Variants in LMO7 observed in about 807,000 individuals in gnomAD.
LMO7 encodes the protein LIM domain 7.
Under a neutral mutation model 206.5 loss-of-function variants are expected in LMO7, and 120 were observed. That is an observed-to-expected ratio of 0.58 (90% CI 0.50 to 0.68). LMO7 has a LOEUF of 0.68. LMO7 is among the 30% of genes least tolerant of loss of function. The pLI, the probability that LMO7 is intolerant of heterozygous loss-of-function variation, is 0.00. For missense variants in LMO7, 1,959 were observed against 1,957.9 expected (o/e 1.00, Z -0.01); for synonymous variants, 706 against 681.5 (o/e 1.04, Z -0.56).
intron 3 of LMO7, among the ~76,000 whole-genome samples, chr13:75,737,842 CAAAAAAAAAAA>C (rs768622923): frequency 5.3e-5 from 2 of 37,740 alleles, no homozygotes; most frequent in Non-Finnish European, 8.8e-5. Context: ...AGGAAGCTGC[CAAAAAAAAAAA>C]AAAAAAAAAA....
chr13:75,812,302 T>C (rs2056490645), intron 11 of LMO7, among the ~76,000 whole-genome samples: 1 of 152,200 alleles, frequency 6.6e-6, no homozygotes, highest in Non-Finnish European at 1.5e-5. Context: ...TTTATTATAG[T>C]GTATGGTAAT....
At chr13:75,632,288 A>G (rs1349073209), upstream of LMO7, among the ~76,000 whole-genome samples, 2 of 152,180 alleles carry the variant, frequency 1.3e-5, no homozygotes, top group African/African-American at 2.4e-5. Context: ...CAAACTTTCA[A>G]CATTAAAGAG....
chr13:75,761,057 T>A lies in LMO7; in HGVS notation c.317+19T>A. ...CTGTCAAGTAAGTTTCAACAGTTTG[T>A]TAGATATATATATATATATTTAAAC... On this transcript the variant is annotated intron_variant, in intron 4 of 30. Transcript: ENST00000377534. 2.1e-6 allele frequency: 3 copies of A among 1,397,542 alleles called. No individual in the cohort carries two copies. Among genetic ancestry groups the A allele is most frequent in the Non-Finnish European group, 2.9e-6 (3 of 1,024,934 alleles). The allele number at this position is 1,397,542 out of a possible 1,614,324, so 86.6% of individuals were successfully genotyped here.
chr13:75,828,309 G>A (rs1358505112), intron 15 of LMO7, among the ~76,000 whole-genome samples: 1 of 152,148 alleles, frequency 6.6e-6, no homozygotes, highest in Non-Finnish European at 1.5e-5. Context: ...CTTGAGATTT[G>A]AAAGTTATGT....
intron 25 of LMO7, among the ~76,000 whole-genome samples, chr13:75,843,848 A>G (rs2139323156): frequency 6.6e-6 from 1 of 152,314 alleles, no homozygotes; most frequent in Middle Eastern, 3.4e-3. Flanking sequence ...AGATATAAGG[A>G]AAGACTTGTA....
intron 11 of LMO7, among the ~76,000 whole-genome samples, chr13:75,810,037 G>T (rs1268358557): frequency 6.6e-6 from 1 of 151,972 alleles, no homozygotes; most frequent in East Asian, 1.9e-4. Context: ...TCACCAGATT[G>T]GTCCGGCTGG....
upstream of LMO7, chr13:75,635,843 G>C (rs940951993): frequency 1.3e-5 from 2 of 152,342 alleles, no homozygotes; most frequent in African/African-American, 2.4e-5. Context: ...CGGCTGGGCC[G>C]GATCGCGGCG....
chr13:75,761,757 TG>T (rs2048252761), intron 4 of LMO7, among the ~76,000 whole-genome samples: 1 of 152,148 alleles, frequency 6.6e-6, no homozygotes, highest in African/African-American at 2.4e-5. Flanking sequence ...TCAATAATCA[TG>T]TTACTAGATA....
Position 75,849,074 on chromosome 13 carries a change from T to A in LMO7, c.4151-5T>A, listed in dbSNP as rs1463681814. On this transcript the variant is annotated splice_polypyrimidine_tract_variant and splice_region_variant and intron_variant, in intron 26 of 30. Coordinates refer to ENST00000377534, the MANE Select transcript of LMO7 (RefSeq NM_001306080.2). The stretch of plus-strand genomic sequence containing the variant: ...CCCAAAGCTTTTGATTTGTTTTTAA[T>A]TTAGGAAACAATAAATATTTAGACC... 2 of 1,555,280 alleles carry A rather than the reference T, an allele frequency of 1.3e-6. No individual in the cohort carries two copies. The highest frequency in any genetic ancestry group is 8.9e-7 in the Non-Finnish European group (1 of 1,129,688).
chr13:75,769,511 C>T (rs1392648331), intron 4 of LMO7, among the ~76,000 whole-genome samples: 1 of 151,960 alleles, frequency 6.6e-6, no homozygotes, highest in Admixed American at 6.6e-5. Flanking sequence ...CTTGTACACT[C>T]AGTAACTCAT....
At chr13:75,648,923 T>C (rs563812003) in intron 1 of LMO7, among the ~76,000 whole-genome samples, 13 of 152,176 alleles carry the variant, frequency 8.5e-5, no homozygotes, top group Non-Finnish European at 1.8e-4. Context: ...GCAGACATGG[T>C]GGACAGCAAA....
Position 75,836,388 on chromosome 13 carries a change from C to A in LMO7, c.3334-9C>A, listed in dbSNP as rs904949307. 1.3e-6 allele frequency: 2 copies of A among 1,499,760 alleles called. No individual in the cohort carries two copies. The highest frequency in any genetic ancestry group is 1.4e-5 in the African/African-American group (1 of 71,674). The allele number at this position is 1,499,760 out of a possible 1,614,324, so 92.9% of individuals were successfully genotyped here. ...AGAGAATATTAACTAGCATTTTTAC[C>A]CTTTCCAGAATATTGAATCCAAAGA... On this transcript the variant is annotated splice_polypyrimidine_tract_variant and intron_variant, in intron 18 of 30. Transcript: ENST00000377534.
Position 75,849,063 on chromosome 13 carries a change from T to C in LMO7, c.4151-16T>C. The C allele has an allele frequency of 6.7e-7, 1 of 1,488,136 alleles. No homozygotes were observed. Among genetic ancestry groups the C allele is most frequent in the Non-Finnish European group, 9.3e-7 (1 of 1,071,768 alleles). 92.2% of individuals were successfully genotyped at this position (1,488,136 alleles called of 1,614,324 possible). A position where few individuals can be genotyped will look rare whatever the true frequency, so the allele number is the denominator to read the frequency against. On this transcript the variant is annotated splice_polypyrimidine_tract_variant and intron_variant, in intron 26 of 30. Transcript: ENST00000377534. ...AAGGTACTAATCCCAAAGCTTTTGA[T>C]TTGTTTTTAATTTAGGAAACAATAA... is the stretch of plus-strand genomic sequence containing the variant.
At chr13:75,821,046 T>G in intron 13 of LMO7, 131 bp from the exon 14 acceptor site, 1 of 646,008 alleles carries the variant, frequency 1.5e-6, no homozygotes, top group Non-Finnish European at 2.7e-6. Context: ...GCTCTGTAAG[T>G]GTTGTATTGA....
chr13:75,817,124 T>G (rs2057090905), intron 11 of LMO7, 37 bp from the exon 12 acceptor site: 3 of 1,477,956 alleles, frequency 2.0e-6, no homozygotes, highest in Non-Finnish European at 2.8e-6. Flanking sequence ...TCTGGTCATG[T>G]GAACTTCCGT....
At chr13:75,854,160 C>G (rs890053794) in intron 28 of LMO7, among the ~76,000 whole-genome samples, 1 of 152,120 alleles carries the variant, frequency 6.6e-6, no homozygotes, top group Non-Finnish European at 1.5e-5. Flanking sequence ...TGCTGCTCTC[C>G]TCACCCCAAG....
intron 15 of LMO7, among the ~76,000 whole-genome samples, chr13:75,826,834 G>T (rs2058154286): frequency 6.6e-6 from 1 of 152,160 alleles, no homozygotes; most frequent in Non-Finnish European, 1.5e-5. Flanking sequence ...ATCATGTTAT[G>T]CTATCATGCT....
chr13:75,817,377 A>G (rs889806938), intron 12 of LMO7, 99 bp downstream of exon 12: 8 of 739,502 alleles, frequency 1.1e-5, no homozygotes, highest in African/African-American at 1.8e-5. Flanking sequence ...CCTTGCTATT[A>G]CAGAATTCAG....
chr13:75,842,934 T>C lies in LMO7; in HGVS notation c.4097+18T>C, dbSNP rs2059669885. The C allele has an allele frequency of 6.7e-7, 1 of 1,500,450 alleles. No individual in the cohort carries two copies. The highest frequency in any genetic ancestry group is 1.7e-5 in the Admixed American group (1 of 59,306). The allele number at this position is 1,500,450 out of a possible 1,614,324, so 92.9% of individuals were successfully genotyped here. A position where few individuals can be genotyped will look rare whatever the true frequency, so the allele number is the denominator to read the frequency against. On this transcript the variant is annotated intron_variant, in intron 25 of 30. Coordinates refer to ENST00000377534, the MANE Select transcript of LMO7 (RefSeq NM_001306080.2). ...GGTGACAGGTATGTAGAGCATGTTA[T>C]TGTAATTTAATTGATGATAATGGCT...
Sources: allele counts gnomAD v4.1 joint callset (sites outside exome capture counted in the v4.1 genomes callset), GRCh38; gene constraint gnomAD v4.1.1; transcripts MANE v1.5; gene names NCBI Gene and HGNC (gene_info 2026-07-23, HGNC 2026-07-21).